The following LRIT2 variants were observed in gnomAD, a reference collection of about 807,000 sequenced individuals.
LRIT2 encodes leucine-rich repeat, immunoglobulin-like domain and transmembrane domain-containing protein 2.
In LRIT2, 23 loss-of-function variants were observed where a neutral mutation model predicts 22.4. The observed-to-expected ratio is 1.03, with a 90% CI of 0.74 to 1.45. The LOEUF (loss-of-function observed/expected upper bound fraction) is 1.45. Ranked by LOEUF, LRIT2 falls within the 40% of genes most tolerant of loss-of-function variation. The pLI, the probability that LRIT2 is intolerant of heterozygous loss-of-function variation, is 0.00. For synonymous variants in LRIT2, 291 were observed against 267.1 expected, an observed-to-expected ratio of 1.09 and a Z score of -0.87; for missense variants, 784 against 665.6, an observed-to-expected ratio of 1.18 and a Z score of -1.96.
Position 84,225,498 on chromosome 10 carries a change from A to G in LRIT2, c.23T>C (p.Phe8Ser), listed in dbSNP as rs1290018771. The G allele has an allele frequency of 5.0e-6, 8 of 1,614,038 alleles. No individual in the cohort carries two copies. Among genetic ancestry groups the G allele is most frequent in the Non-Finnish European group, 5.9e-6 (7 of 1,180,000 alleles). The change falls in exon 1 of 3, where the codon TTC (phenylalanine) becomes TCC (serine). Residue 8 changes from phenylalanine (F) to serine (S), a missense_variant. Phe to Ser is a radical substitution (Grantham distance 155). Transcript: ENST00000372113. MASVFHY[F>S]LLVLVFLDTH... Reference sequence around the variant, plus strand: ...ATCCAGAAAGACCAGAACTAACAGGAAGTAATGAAAAACTGAAGCCATATT... The same window carrying G: ...ATCCAGAAAGACCAGAACTAACAGGGAGTAATGAAAAACTGAAGCCATATT...
Position 84,224,911 on chromosome 10 carries a change from A to C in LRIT2, c.314T>G (p.Leu105Arg). 1 of 1,614,196 alleles carries C rather than the reference A, an allele frequency of 6.2e-7. No homozygotes were observed. Among genetic ancestry groups the C allele is most frequent in the African/African-American group, 1.3e-5 (1 of 75,052 alleles). Reference sequence around the variant, plus strand: ...GTTCCCCTCCAGTCTCAGCTCCCTCAGTTCTGGCAGGTGTTCCAGGGCTCC... The same window carrying C: ...GTTCCCCTCCAGTCTCAGCTCCCTCCGTTCTGGCAGGTGTTCCAGGGCTCC... The part of the protein sequence containing the change: ...HLGALEHLPE[L>R]RELRLEGNKL... Residue 105 changes from leucine (L) to arginine (R), a missense_variant, in exon 2 of 3, where the codon CTG becomes CGG. Coordinates refer to ENST00000372113, the MANE Select transcript of LRIT2 (RefSeq NM_001017924.5).
chr10:84,221,669 A>C lies in LRIT2; in HGVS notation c.*251T>G. The C allele has an allele frequency of 5.4e-6, 2 of 373,514 alleles. No individual in the cohort carries two copies. Among genetic ancestry groups the C allele is most frequent in the Non-Finnish European group, 9.6e-6 (2 of 208,240 alleles). The allele number at this position is 373,514 out of a possible 1,614,324, so 23.1% of individuals were successfully genotyped here. A position where few individuals can be genotyped will look rare whatever the true frequency, so the allele number is the denominator to read the frequency against. ...TAGTGATTTCTAATCACCATGTATA[A>C]TAAAATGATTAATTTGATGGACAAA... On this transcript the variant is annotated 3_prime_UTR_variant, in exon 3 of 3. Transcript: ENST00000372113.
chr10:84,224,260 C>G, intron 2 of LRIT2, 73 bp downstream of exon 2: 1 of 1,480,114 alleles, frequency 6.8e-7, no homozygotes, highest in South Asian at 1.4e-5. Flanking sequence ...CTTTGAATCT[C>G]TCTAATGAGG....
chr10:84,225,179 A>G lies in LRIT2; in HGVS notation c.111-65T>C, dbSNP rs2132855661. On this transcript the variant is annotated intron_variant, in intron 1 of 2. Transcript: ENST00000372113. ...GGGACTGAAAAGTGGGGTCAGGCTG[A>G]TCCTGGCATTAGACATGTGAATCAG... 2.8e-6 allele frequency: 4 copies of G among 1,420,446 alleles called. No homozygotes were observed. In the East Asian group the frequency reaches 9.2e-5, roughly 33 times the overall value. 88.0% of individuals were successfully genotyped at this position (1,420,446 alleles called of 1,614,324 possible).
At position 84,224,914 on chromosome 10, in the gene LRIT2, T is replaced by C; in HGVS notation, c.311A>G (p.Glu104Gly). Residue 104 changes from glutamate (E) to glycine (G), a missense_variant, in exon 2 of 3, where the codon GAA becomes GGA. Coordinates refer to ENST00000372113, the MANE Select transcript of LRIT2 (RefSeq NM_001017924.5). Reference protein sequence around the residue: ...IHLGALEHLPELRELRLEGNK... With the variant: ...IHLGALEHLPGLRELRLEGNK... ...CCCCTCCAGTCTCAGCTCCCTCAGT[T>C]CTGGCAGGTGTTCCAGGGCTCCTAG... The C allele has an allele frequency of 6.2e-7, 1 of 1,614,180 alleles. No homozygotes were observed. Among genetic ancestry groups the C allele is most frequent in the East Asian group, 2.2e-5 (1 of 44,874 alleles).
In LRIT2 at chr10:84,222,473, T is replaced by C. The variant is rs1160472358; in HGVS notation, c.1100A>G (p.Asp367Gly). 1.2e-6 allele frequency: 2 copies of C among 1,613,764 alleles called. No individual in the cohort carries two copies. Among genetic ancestry groups the C allele is most frequent in the African/African-American group, 2.7e-5 (2 of 74,812 alleles). ...CACTGTCTGCTTGACAACCCGCAGG[T>C]CAATGTAGGCATTGCCCTCCGAGGG... The part of the protein sequence containing the change: ...SIPSEGNAYI[D>G]LRVVKQTVHG... The change falls in exon 3 of 3, where the codon GAC (aspartate) becomes GGC (glycine). Residue 367 changes from aspartate (D) to glycine (G), a missense_variant. Asp to Gly is a moderately conservative substitution (Grantham distance 94). Coordinates refer to ENST00000372113, the MANE Select transcript of LRIT2 (RefSeq NM_001017924.5).
chr10:84,222,031 CG>C lies in LRIT2; in HGVS notation c.1541del (p.Pro514ArgfsTer22), dbSNP rs778965402. 1.2e-6 allele frequency: 2 copies of C among 1,610,118 alleles called. No individual in the cohort carries two copies. Among genetic ancestry groups the C allele is most frequent in the African/African-American group, 2.7e-5 (2 of 74,868 alleles). On this transcript the variant is annotated frameshift_variant, in exon 3 of 3. Coordinates refer to ENST00000372113, the MANE Select transcript of LRIT2 (RefSeq NM_001017924.5). LOFTEE classifies it low-confidence loss of function (END_TRUNC). ...CTCTAAAGGAGCCATCCTTGGACTG[CG>C]GGGCTGCAGGGGTGCAGCTGGGGGC... Reference protein sequence around the residue: ...RKAPSCTPAAPQSKDGSFREH... With the variant: ...RKAPSCTPAAXQSKDGSFREH...
chr10:84,224,172 G>C (rs1295635455), intron 2 of LRIT2, among the ~76,000 whole-genome samples, 161 bp downstream of exon 2: 1 of 152,234 alleles, frequency 6.6e-6, no homozygotes, highest in African/African-American at 2.4e-5. Context: ...ACACTACCTT[G>C]AAATCTTTTC....
rs1275852212 is a variant in LRIT2, at chr10:84,221,506, A to G, written c.*414T>C. ...CTCTGGGTGTATCATTGAACTGTCC[A>G]GGCTGCAGTTTTTCACCTATAAAAA... On this transcript the variant is annotated 3_prime_UTR_variant, in exon 3 of 3. Transcript: ENST00000372113. 1 of 154,560 alleles carries G rather than the reference A, an allele frequency of 6.5e-6. No homozygotes were observed. Among genetic ancestry groups the G allele is most frequent in the African/African-American group, 2.4e-5 (1 of 41,488 alleles). The allele number at this position is 154,560 out of a possible 1,614,324, so 9.6% of individuals were successfully genotyped here. A position where few individuals can be genotyped will look rare whatever the true frequency, so the allele number is the denominator to read the frequency against.
Position 84,221,950 on chromosome 10 carries a change from C to T in LRIT2, c.1623G>A (p.Lys541=), listed in dbSNP as rs142605522. The T allele has an allele frequency of 2.3e-4, 355 of 1,535,972 alleles. 3 individuals are homozygous for T. The African/African-American group carries it at 4.1e-3, about 18-fold the overall frequency. ...TGTTGTCTTCCGTTCCTCCTTTCTC[C>T]TTGTCCCCCTCAGTGTCTATGTGCC... The part of the protein sequence containing the change: ...GEGHIDTEGD[K]EKGGTEDNS Residue 541 remains lysine (K), a synonymous_variant, in exon 3 of 3, where the codon AAG becomes AAA. Transcript: ENST00000372113.
rs751975462 is a variant in LRIT2, at chr10:84,224,598, C to T, written c.627G>A (p.Arg209=). ...TGGACTTGACAAACTGGACAAGCCCCCTTAGGCGACAGTCACATACCCAGG... is the reference window on the plus strand; with the variant it reads ...TGGACTTGACAAACTGGACAAGCCCTCTTAGGCGACAGTCACATACCCAGG... The part of the protein sequence containing the change: ...DNPWVCDCRL[R]GLVQFVKSIT... The change falls in exon 2 of 3, where the codon AGG becomes AGA. Residue 209 remains arginine (R), a synonymous_variant. Coordinates refer to ENST00000372113, the MANE Select transcript of LRIT2 (RefSeq NM_001017924.5). The T allele has an allele frequency of 1.2e-6, 2 of 1,613,712 alleles. No individual in the cohort carries two copies. Among genetic ancestry groups the T allele is most frequent in the Non-Finnish European group, 1.7e-6 (2 of 1,179,658 alleles).
Position 84,225,442 on chromosome 10 carries a change from C to A in LRIT2, c.79G>T (p.Gly27Ter). 3 of 1,614,210 alleles carry A rather than the reference C, an allele frequency of 1.9e-6. No individual in the cohort carries two copies. The South Asian group carries it at 3.3e-5, about 18-fold the overall frequency. Residue 27 changes from glycine to a stop codon, truncating the protein, a stop_gained, in exon 1 of 3, where the codon GGA becomes TGA. Transcript: ENST00000372113. LOFTEE classifies it high-confidence loss of function. ...THAAQPFCLPGCTCSEESFGR... is the reference protein window; with the variant it reads ...THAAQPFCLP Reference sequence around the variant, plus strand: ...AAACTCTCCTCTGAGCAAGTGCATCCTGGCAGACAGAAAGGCTGAGCTGCG... The same window carrying A: ...AAACTCTCCTCTGAGCAAGTGCATCATGGCAGACAGAAAGGCTGAGCTGCG...
chr10:84,222,259 C>T lies in LRIT2; in HGVS notation c.1314G>A (p.Gln438=). 12 of 1,614,238 alleles carry T rather than the reference C, an allele frequency of 7.4e-6. No homozygotes were observed. Among genetic ancestry groups the T allele is most frequent in the Non-Finnish European group, 1.0e-5 (12 of 1,180,048 alleles). ...KYEACLSLEG[Q]PPHQGQCVAF... is the part of the protein sequence containing the mutation. Reference sequence around the variant, plus strand: ...CTACACACTGGCCCTGGTGTGGAGGCTGGCCCTCTAGGCTGAGGCAGGCCT... The same window carrying T: ...CTACACACTGGCCCTGGTGTGGAGGTTGGCCCTCTAGGCTGAGGCAGGCCT... Residue 438 remains glutamine (Q), a synonymous_variant, in exon 3 of 3, where the codon CAG becomes CAA. Coordinates refer to ENST00000372113, the MANE Select transcript of LRIT2 (RefSeq NM_001017924.5).
At chr10:84,222,766 TG>T in intron 2 of LRIT2, 86 bp from the exon 3 acceptor site, 1 of 1,506,894 alleles carries the variant, frequency 6.6e-7, no homozygotes, top group Non-Finnish European at 9.1e-7. Flanking sequence ...TGTTTTGTTT[TG>T]CTTTGTTTTT....
In LRIT2 at chr10:84,222,215, T is replaced by G. The variant is rs1322453691; in HGVS notation, c.1358A>C (p.Asp453Ala). 20 of 1,614,096 alleles carry G rather than the reference T, an allele frequency of 1.2e-5. No individual in the cohort carries two copies. The highest frequency in any genetic ancestry group is 1.6e-5 in the Non-Finnish European group (19 of 1,180,046). ...GQCVAFVTGRDAGGLEAREHL... is the reference protein window; with the variant it reads ...GQCVAFVTGRAAGGLEAREHL... ...CTCACGTGCCTCTAGCCCACCAGCA[T>G]CTCTGCCTGTTACAAAAGCTACACA... Residue 453 changes from aspartate to alanine, a missense_variant, in exon 3 of 3, where the codon GAT (aspartate) becomes GCT (alanine). Coordinates refer to ENST00000372113, the MANE Select transcript of LRIT2 (RefSeq NM_001017924.5).
rs773684267 is a variant in LRIT2, at chr10:84,224,498, GA to G, written c.726del (p.His243MetfsTer9). Reference sequence around the variant, plus strand: ...ATGCAAGCACTAAGCTCAGTTTCATGAAAAAGCTGCCCTGCCTTGGACAGAG... The same window carrying G: ...ATGCAAGCACTAAGCTCAGTTTCATGAAAAGCTGCCCTGCCTTGGACAGAG... ...QGPLSKAGQL[F>X]HETELSACMK... On this transcript the variant is annotated frameshift_variant, in exon 2 of 3. Transcript: ENST00000372113. LOFTEE classifies it high-confidence loss of function. 5.0e-6 allele frequency: 8 copies of G among 1,614,226 alleles called. No individual in the cohort carries two copies. The highest frequency in any genetic ancestry group is 3.3e-5 in the South Asian group (3 of 91,084).
rs200670484 is a variant in LRIT2, at chr10:84,222,287, T to C, written c.1286A>G (p.Tyr429Cys). 1.3e-5 allele frequency: 21 copies of C among 1,614,194 alleles called. No homozygotes were observed. The highest frequency in any genetic ancestry group is 1.7e-5 in the Non-Finnish European group (20 of 1,180,036). ...GCCCTCTAGGCTGAGGCAGGCCTCA[T>C]ATTTTGTGCCAGGAAGGAGGTCATC... The part of the protein sequence containing the change: ...AVDDLLPGTK[Y>C]EACLSLEGQP... The change falls in exon 3 of 3, where the codon TAT becomes TGT. Residue 429 changes from tyrosine to cysteine, a missense_variant. Transcript: ENST00000372113.
In LRIT2 at chr10:84,224,868, T is replaced by C. The variant is rs1564672598; in HGVS notation, c.357A>G (p.Pro119=). Reference sequence around the variant, plus strand: ...GAGGGGTGGCACGGAACGCTGTCCATGGTACTGAGCAGAGCTTGTTCCCCT... The same window carrying C: ...GAGGGGTGGCACGGAACGCTGTCCACGGTACTGAGCAGAGCTTGTTCCCCT... The part of the protein sequence containing the change: ...RLEGNKLCSV[P]WTAFRATPLL... The change falls in exon 2 of 3, where the codon CCA becomes CCG. Residue 119 remains proline, a synonymous_variant. Transcript: ENST00000372113. 6 of 1,614,154 alleles carry C rather than the reference T, an allele frequency of 3.7e-6. No individual in the cohort carries two copies. The highest frequency in any genetic ancestry group is 1.1e-5 in the South Asian group (1 of 91,080).
downstream of LRIT2, chr10:84,220,555 G>A (rs1842491469): frequency 6.6e-6 from 1 of 151,924 alleles, no homozygotes; most frequent in Non-Finnish European, 1.5e-5. Context: ...CTGAAGAAAT[G>A]AGCGGACAAT....
Sources: allele counts gnomAD v4.1 joint callset (sites outside exome capture counted in the v4.1 genomes callset), GRCh38; gene constraint gnomAD v4.1.1; transcripts MANE v1.5; gene names NCBI Gene and HGNC (gene_info 2026-07-23, HGNC 2026-07-21).